RNF25: variants seen among roughly 807,000 people sequenced by gnomAD.
RNF25 encodes E3 ubiquitin-protein ligase RNF25.
RNF25 carries 32 observed loss-of-function variants against 65.0 expected under a neutral mutation model. The ratio of observed to expected loss-of-function variants is 0.49; its 90% confidence interval spans 0.37 to 0.66. The LOEUF (loss-of-function observed/expected upper bound fraction) is 0.66. RNF25 is among the 30% of genes least tolerant of loss of function. The pLI is 0.00. For missense variants in RNF25, 493 were observed against 584.8 expected (o/e 0.84, Z 1.62); for synonymous variants, 207 against 221.2 (o/e 0.94, Z 0.57).
chr2:218,663,933 C>A lies in RNF25; in HGVS notation c.*24G>T. 7.0e-7 allele frequency: 1 copy of A among 1,421,160 alleles called. No homozygotes were observed. The highest frequency in any genetic ancestry group is 9.2e-7 in the Non-Finnish European group (1 of 1,082,798). The allele number at this position is 1,421,160 out of a possible 1,614,324, so 88.0% of individuals were successfully genotyped here. A position where few individuals can be genotyped will look rare whatever the true frequency, so the allele number is the denominator to read the frequency against. Reference sequence around the variant, plus strand: ...TATTGCCTCCCTCCCATCCCCAATTCCCTGTTCCCCCCACCAAGTCCTGCT... The same window carrying A: ...TATTGCCTCCCTCCCATCCCCAATTACCTGTTCCCCCCACCAAGTCCTGCT... On this transcript the variant is annotated 3_prime_UTR_variant, in exon 10 of 10. Transcript: ENST00000295704.
At chr2:218,666,284 G>C (rs1171566260) in intron 5 of RNF25, 54 bp from the exon 6 acceptor site, 4 of 1,438,008 alleles carry the variant, frequency 2.8e-6, no homozygotes, top group Non-Finnish European at 3.9e-6. Context: ...CGGTGAGCAA[G>C]GCCTGTCTAC....
chr2:218,671,078 C>T (rs1029531117), intron 1 of RNF25, among the ~76,000 whole-genome samples: 1 of 152,114 alleles, frequency 6.6e-6, no homozygotes, highest in African/African-American at 2.4e-5. Flanking sequence ...AAGGCTGAGG[C>T]AGAAGGATCA....
At chr2:218,665,100 T>C in intron 8 of RNF25, 55 bp downstream of exon 8, 1 of 1,563,114 alleles carries the variant, frequency 6.4e-7, no homozygotes, top group Non-Finnish European at 8.8e-7. Context: ...TGCCATTCCT[T>C]ACTCTTTAGA....
chr2:218,668,590 T>C lies in RNF25; in HGVS notation c.116+15A>G, dbSNP rs1939886863. 6.3e-7 allele frequency: 1 copy of C among 1,587,806 alleles called. No homozygotes were observed. Among genetic ancestry groups the C allele is most frequent in the Non-Finnish European group, 8.6e-7 (1 of 1,156,362 alleles). ...TACTAGGGGGACTCCTGCCCACCAC[T>C]GGTTGAATACATACCTGCCATTTCC... On this transcript the variant is annotated intron_variant, in intron 2 of 9. Coordinates refer to ENST00000295704, the MANE Select transcript of RNF25 (RefSeq NM_022453.3).
intron 2 of RNF25, 126 bp downstream of exon 2, chr2:218,668,479 C>A: frequency 1.0e-6 from 1 of 981,456 alleles, no homozygotes; most frequent in Non-Finnish European, 1.6e-6. Context: ...AAAGGAATAG[C>A]TTTTGTCTAC....
At chr2:218,665,373 G>A in intron 7 of RNF25, 126 bp from the exon 8 acceptor site, 3 of 757,474 alleles carry the variant, frequency 4.0e-6, no homozygotes, top group Non-Finnish European at 6.5e-6. Context: ...TCAGCAGTGA[G>A]TTGGGACAGA....
Position 218,668,063 on chromosome 2 carries a change from G to A in RNF25, c.287+16C>T. The A allele has an allele frequency of 6.2e-7, 1 of 1,613,674 alleles. No homozygotes were observed. On this transcript the variant is annotated intron_variant, in intron 4 of 9. Coordinates refer to ENST00000295704, the MANE Select transcript of RNF25 (RefSeq NM_022453.3). ...GCTGTAGCTGAGTTTTCCCTGTTCT[G>A]ACAGGTTCAACTTACGTGTGGATCT...
Position 218,664,429 on chromosome 2 carries a change from G to T in RNF25, c.908C>A (p.Thr303Asn). The change falls in exon 10 of 10, where the codon ACT becomes AAT. Residue 303 changes from threonine to asparagine, a missense_variant. By Grantham distance (65) the Thr-to-Asn change is moderately conservative. Around this residue, in one of 3 missense-constraint regions of RNF25, gnomAD observed 351 missense variants for 400.2 expected, o/e 0.88. Transcript: ENST00000295704. This position sits in a 1 kb window ranked among gnomAD's most constrained non-coding sequence, Gnocchi z 5.1. ...ELSTSPAVQS[T>N]LPPPLPVATQ... is the part of the protein sequence containing the mutation. The stretch of plus-strand genomic sequence containing the variant: ...CGCCACAGGCAGAGGAGGTGGCAAA[G>T]TGGATTGGACGGCTGGTGAGGTGGA... The T allele has an allele frequency of 6.2e-7, 1 of 1,614,242 alleles. No individual in the cohort carries two copies. Among genetic ancestry groups the T allele is most frequent in the Non-Finnish European group, 8.5e-7 (1 of 1,180,042 alleles).
At position 218,664,184 on chromosome 2, in the gene RNF25, G is replaced by A; in HGVS notation, c.1153C>T (p.Leu385=). 3 of 1,583,230 alleles carry A rather than the reference G, an allele frequency of 1.9e-6. No homozygotes were observed. The highest frequency in any genetic ancestry group is 2.6e-6 in the Non-Finnish European group (3 of 1,167,014). The change falls in exon 10 of 10, where the codon CTA becomes TTA. Residue 385 remains leucine (L), a synonymous_variant. Coordinates refer to ENST00000295704, the MANE Select transcript of RNF25 (RefSeq NM_022453.3). This position sits in a 1 kb window ranked among gnomAD's most constrained non-coding sequence, Gnocchi z 5.1. Reference sequence around the variant, plus strand: ...CCTTGGCTATGGGGTTCTGGCTTTAGGTCCATGGGCTCCTTGAGGGGCCCC... The same window carrying A: ...CCTTGGCTATGGGGTTCTGGCTTTAAGTCCATGGGCTCCTTGAGGGGCCCC... ...PEGPLKEPMD[L]KPEPHSQGVE...
rs370879916 is a variant in RNF25, at chr2:218,664,426, A to G, written c.911T>C (p.Leu304Ser). The G allele has an allele frequency of 6.2e-7, 1 of 1,614,208 alleles. No individual in the cohort carries two copies. The highest frequency in any genetic ancestry group is 8.5e-7 in the Non-Finnish European group (1 of 1,180,038). ...LSTSPAVQST[L>S]PPPLPVATQH... ...GGTCGCCACAGGCAGAGGAGGTGGC[A>G]AAGTGGATTGGACGGCTGGTGAGGT... Residue 304 changes from leucine to serine, a missense_variant, in exon 10 of 10, where the codon TTG becomes TCG. Transcript: ENST00000295704. The surrounding 1 kb of genome is among the most constrained non-coding windows in gnomAD (Gnocchi z 5.1).
rs778331211 is a variant in RNF25 at position 218,664,069 on chromosome 2, G to A, written c.1268C>T (p.Ser423Phe). 2 of 1,510,530 alleles carry A rather than the reference G, an allele frequency of 1.3e-6. No individual in the cohort carries two copies. The highest frequency in any genetic ancestry group is 1.8e-6 in the Non-Finnish European group (2 of 1,130,462). 93.6% of individuals were successfully genotyped at this position (1,510,530 alleles called of 1,614,324 possible). ...RTRDCVRWER[S>F]KGRTPGSSYP... is the part of the protein sequence containing the mutation. Reference sequence around the variant, plus strand: ...GGAAGAACCGGGTGTCCGGCCTTTAGAGCGCTCCCAGCGAACACAGTCCCG... The same window carrying A: ...GGAAGAACCGGGTGTCCGGCCTTTAAAGCGCTCCCAGCGAACACAGTCCCG... Residue 423 changes from serine to phenylalanine, a missense_variant, in exon 10 of 10, where the codon TCT becomes TTT. Around this residue, in one of 3 missense-constraint regions of RNF25, gnomAD observed 351 missense variants for 400.2 expected, o/e 0.88. Transcript: ENST00000295704. This position sits in a 1 kb window ranked among gnomAD's most constrained non-coding sequence, Gnocchi z 5.1.
Position 218,664,292 on chromosome 2 carries a change from G to T in RNF25, c.1045C>A (p.Gln349Lys). 6.2e-7 allele frequency: 1 copy of T among 1,610,816 alleles called. No individual in the cohort carries two copies. The highest frequency in any genetic ancestry group is 1.1e-5 in the South Asian group (1 of 90,950). Reference sequence around the variant, plus strand: ...CCCTTTGGGTGCCTCCGTTCGGGCTGTCGCCAGGGACCTCGACTGGGCTTG... The same window carrying T: ...CCCTTTGGGTGCCTCCGTTCGGGCTTTCGCCAGGGACCTCGACTGGGCTTG... ...PPKPSRGPWR[Q>K]PERRHPKGGE... is the part of the protein sequence containing the mutation. The change falls in exon 10 of 10, where the codon CAG (glutamine) becomes AAG (lysine). Residue 349 changes from glutamine (Q) to lysine (K), a missense_variant. Coordinates refer to ENST00000295704, the MANE Select transcript of RNF25 (RefSeq NM_022453.3). This position sits in a 1 kb window ranked among gnomAD's most constrained non-coding sequence, Gnocchi z 5.1.
rs2106339410 is a variant in RNF25, at chr2:218,671,937, C to G, written c.34G>C (p.Glu12Gln). The G allele has an allele frequency of 6.2e-7, 1 of 1,614,260 alleles. No individual in the cohort carries two copies. Among genetic ancestry groups the G allele is most frequent in the African/African-American group, 1.3e-5 (1 of 75,072 alleles). Residue 12 changes from glutamate (E) to glutamine (Q), a missense_variant, in exon 1 of 10, where the codon GAG becomes CAG. This residue lies in a region of RNF25 where 34 missense variants were observed against 18.6 expected (regional missense o/e 1.83). Transcript: ENST00000295704. ...CCATGCCCCCAAAGTTACCAGTCCT[C>G]CTCCCCTGCAGCTGCAGACGCAGAC... ...AASASAAAGE[E>Q]DWVLPSEVEV... is the part of the protein sequence containing the mutation.
chr2:218,671,490 TGA>T (rs1939970196), intron 1 of RNF25, among the ~76,000 whole-genome samples: 1 of 152,066 alleles, frequency 6.6e-6, no homozygotes, highest in African/African-American at 2.4e-5. Flanking sequence ...TAGTGCTGTG[TGA>T]GAGAGAGAAG....
chr2:218,668,775 C>CTGG, intron 1 of RNF25, 96 bp from the exon 2 acceptor site: 1 of 843,650 alleles, frequency 1.2e-6, no homozygotes, highest in Non-Finnish European at 2.0e-6. Flanking sequence ...AAATGGCAAT[C>CTGG]TACCAGAATG....
In RNF25 at chr2:218,665,993, T is replaced by C. The variant is rs760367540; in HGVS notation, c.496A>G (p.Ile166Val). 2 of 1,614,164 alleles carry C rather than the reference T, an allele frequency of 1.2e-6. No homozygotes were observed. Among genetic ancestry groups the C allele is most frequent in the Admixed American group, 1.7e-5 (1 of 60,018 alleles). The stretch of plus-strand genomic sequence containing the variant: ...TTCAGCTCTTGCTCCATGTGCTGGA[T>C]GTACCGAGCAAGGCAGTGGCAGTGG... The part of the protein sequence containing the change: ...YFHCHCLARY[I>V]QHMEQELKAQ... Residue 166 changes from isoleucine to valine, a missense_variant, in exon 7 of 10, where the codon ATC (isoleucine) becomes GTC (valine). Transcript: ENST00000295704.
At chr2:218,670,695 C>CAAAAAAAAAAA (rs34923737) in intron 1 of RNF25, among the ~76,000 whole-genome samples, 1 of 32,320 alleles carries the variant, frequency 3.1e-5, no homozygotes, top group African/African-American at 8.5e-5. Context: ...GACTCCGTCT[C>CAAAAAAAAAAA]AAAAAAAAAA....
At position 218,670,636 on chromosome 2, in the gene RNF25, C is replaced by T. The variant is rs1483345405; in HGVS notation, c.41+1294G>A. Among the ~76,000 whole-genome samples the T allele has an allele frequency of 3.7e-5, 5 of 134,024 alleles. No homozygotes were observed. In the Admixed American group the frequency reaches 4.3e-4, roughly 12 times the overall value. The allele number at this position is 134,024 out of a possible 152,430, so 87.9% of individuals were successfully genotyped here. A position where few individuals can be genotyped will look rare whatever the true frequency, so the allele number is the denominator to read the frequency against. On this transcript the variant is annotated intron_variant, in intron 1 of 9. Coordinates refer to ENST00000295704, the MANE Select transcript of RNF25 (RefSeq NM_022453.3). ...GCATGAACCCGGGAGGCGGAGCTTG[C>T]AGTGAACCGAGATTGCGCCACTGCA... is the stretch of plus-strand genomic sequence containing the variant.
Position 218,664,524 on chromosome 2 carries a change from A to T in RNF25, c.813T>A (p.Pro271=), listed in dbSNP as rs2303562. 4.3e-6 allele frequency: 7 copies of T among 1,612,140 alleles called. No individual in the cohort carries two copies. The East Asian group carries it at 6.7e-5, about 15-fold the overall frequency. Residue 271 remains proline (P), a synonymous_variant, in exon 10 of 10, where the codon CCT becomes CCA. Coordinates refer to ENST00000295704, the MANE Select transcript of RNF25 (RefSeq NM_022453.3). The surrounding 1 kb of genome is among the most constrained non-coding windows in gnomAD (Gnocchi z 5.1). ...YFISLQQPPA[P]AEPESAVDVS... ...CATCTACAGCTGACTCAGGTTCCGC[A>T]GGGGCAGGAGGCTAGAAATAAGTGA...
Sources: gnomAD v4.1 joint callset for allele counts (sites outside exome capture counted in the v4.1 genomes callset) on GRCh38, gnomAD v4.1.1 for gene constraint, gnomAD v4.1.1 regional missense constraint, Gnocchi (gnomAD v3.1) non-coding constraint, MANE v1.5 for transcripts, NCBI Gene and HGNC (gene_info 2026-07-23, HGNC 2026-07-21) for gene names.